The following CSNK2A2IP variants were observed in gnomAD, a reference collection of about 807,000 sequenced individuals.
CSNK2A2IP encodes casein kinase II subunit alpha'-interacting protein.
the CSNK2A2IP span, among the ~76,000 whole-genome samples, chr3:88,462,416 C>A: frequency 6.6e-6 from 1 of 152,124 alleles, no homozygotes; most frequent in East Asian, 1.9e-4. Flanking sequence ...CTCACACAGG[C>A]ATATGCAAAG....
chr3:88,379,827 T>A, the CSNK2A2IP span, among the ~76,000 whole-genome samples: 1 of 152,146 alleles, frequency 6.6e-6, no homozygotes, highest in African/African-American at 2.4e-5. Context: ...GTCATTGCTT[T>A]GTAGTGCAGG....
At chr3:88,463,253 G>GTT in the CSNK2A2IP span, among the ~76,000 whole-genome samples, 1,160 of 143,894 alleles carry the variant, frequency 8.1e-3, 9 homozygotes, top group East Asian at 0.018. Flanking sequence ...GATCACTTTA[G>GTT]TTTTTTTTTT....
At chr3:88,344,923 C>T in the CSNK2A2IP span, among the ~76,000 whole-genome samples, 2 of 151,908 alleles carry the variant, frequency 1.3e-5, no homozygotes, top group Non-Finnish European at 2.9e-5. Context: ...TTCTGGTTTC[C>T]TTTTGAATAT....
At chr3:88,394,943 C>A in the CSNK2A2IP span, among the ~76,000 whole-genome samples, 1 of 152,166 alleles carries the variant, frequency 6.6e-6, no homozygotes, top group Non-Finnish European at 1.5e-5. Flanking sequence ...CTGGGCTTAA[C>A]ATCTGGGTGA....
the CSNK2A2IP span, among the ~76,000 whole-genome samples, chr3:88,392,898 G>A: frequency 6.6e-6 from 1 of 152,146 alleles, no homozygotes; most frequent in Admixed American, 6.5e-5. Flanking sequence ...TGGGATGGAG[G>A]TTAAAAATGC....
At chr3:88,403,663 C>T in the CSNK2A2IP span, among the ~76,000 whole-genome samples, 1 of 152,134 alleles carries the variant, frequency 6.6e-6, no homozygotes, top group Non-Finnish European at 1.5e-5. Context: ...CATGCATTAT[C>T]TTGTATGATT....
chr3:88,353,634 C>T, the CSNK2A2IP span, among the ~76,000 whole-genome samples: 107 of 152,128 alleles, frequency 7.0e-4, 1 homozygote, highest in Middle Eastern at 3.4e-3. Context: ...CTTATCTTGA[C>T]GGAAAATCCT....
chr3:88,393,120 A>G, the CSNK2A2IP span, among the ~76,000 whole-genome samples: 2 of 152,194 alleles, frequency 1.3e-5, no homozygotes, highest in African/African-American at 2.4e-5. Flanking sequence ...CATTTCTCAT[A>G]TATCTGCAGA....
the CSNK2A2IP span, among the ~76,000 whole-genome samples, chr3:88,462,080 T>A: frequency 6.6e-6 from 1 of 150,526 alleles, no homozygotes; most frequent in African/African-American, 2.4e-5. Context: ...TTTTACCTAG[T>A]AATATCCAGA....
chr3:88,412,541 T>A, the CSNK2A2IP span, among the ~76,000 whole-genome samples: 1 of 152,060 alleles, frequency 6.6e-6, no homozygotes, highest in Non-Finnish European at 1.5e-5. Context: ...GGTACTCACA[T>A]GTACTTTTTA....
chr3:88,383,792 T>G, the CSNK2A2IP span, among the ~76,000 whole-genome samples: 1 of 151,480 alleles, frequency 6.6e-6, no homozygotes, highest in South Asian at 2.1e-4. Flanking sequence ...GCCTCCAGAG[T>G]AGCTGGGACT....
the CSNK2A2IP span, among the ~76,000 whole-genome samples, chr3:88,421,074 A>G: frequency 6.6e-6 from 1 of 152,134 alleles, no homozygotes; most frequent in Admixed American, 6.6e-5. Flanking sequence ...CCCGTCTCCG[A>G]AGAGAGATGT....
chr3:88,420,118 G>A, the CSNK2A2IP span, among the ~76,000 whole-genome samples: 3 of 152,148 alleles, frequency 2.0e-5, no homozygotes, highest in African/African-American at 7.2e-5. Flanking sequence ...ATCTCTCCAG[G>A]TGATTCCAGT....
the CSNK2A2IP span, among the ~76,000 whole-genome samples, chr3:88,413,638 C>G: frequency 6.6e-6 from 1 of 151,814 alleles, no homozygotes; most frequent in Admixed American, 6.6e-5. Flanking sequence ...TGTGTGCATG[C>G]TTACATATGT....
the CSNK2A2IP span, among the ~76,000 whole-genome samples, chr3:88,362,204 A>G: frequency 6.6e-6 from 1 of 152,084 alleles, no homozygotes; most frequent in African/African-American, 2.4e-5. Context: ...ATTTATTCCG[A>G]TCTTCACAGT....
At chr3:88,395,938 A>G in the CSNK2A2IP span, among the ~76,000 whole-genome samples, 1 of 152,070 alleles carries the variant, frequency 6.6e-6, no homozygotes, top group Non-Finnish European at 1.5e-5. Context: ...TATTGAACTA[A>G]TATTTTTTGA....
At chr3:88,462,073 T>C in the CSNK2A2IP span, among the ~76,000 whole-genome samples, 1 of 151,272 alleles carries the variant, frequency 6.6e-6, no homozygotes, top group Non-Finnish European at 1.5e-5. Context: ...TGCCTTTTTT[T>C]ACCTAGTAAT....
the CSNK2A2IP span, among the ~76,000 whole-genome samples, chr3:88,403,115 C>T: frequency 6.6e-6 from 1 of 152,016 alleles, no homozygotes; most frequent in South Asian, 2.1e-4. Flanking sequence ...ATATTTTTCA[C>T]TTCAGACAAT....
the CSNK2A2IP span, among the ~76,000 whole-genome samples, chr3:88,356,787 C>T: frequency 6.6e-6 from 1 of 152,020 alleles, no homozygotes. Flanking sequence ...TTGATAAAGG[C>T]CATTTTAACT....
Sources: allele counts gnomAD v4.1 joint callset (sites outside exome capture counted in the v4.1 genomes callset), GRCh38; gene constraint gnomAD v4.1.1; transcripts MANE v1.5; gene names NCBI Gene and HGNC (gene_info 2026-07-23, HGNC 2026-07-21).